PTPRN2: variants seen among roughly 807,000 people sequenced by gnomAD.
The protein encoded by PTPRN2 is receptor-type tyrosine-protein phosphatase N2.
Under a neutral mutation model 118.8 loss-of-function variants are expected in PTPRN2, and 74 were observed. The ratio of observed to expected loss-of-function variants is 0.62; its 90% CI spans 0.52 to 0.76. The LOEUF is 0.76. Ranked by LOEUF, PTPRN2 falls within the 30% of genes least tolerant of loss-of-function variation. The pLI, the probability that PTPRN2 is intolerant of heterozygous loss-of-function variation, is 0.00. For missense variants in PTPRN2, 1,481 were observed against 1,394.4 expected (o/e 1.06, Z -0.99); for synonymous variants, 641 against 608.0 (o/e 1.05, Z -0.80).
chr7:158,583,207 T>C (rs992698398), intron 1 of PTPRN2, among the ~76,000 whole-genome samples: 2 of 152,156 alleles, frequency 1.3e-5, no homozygotes, highest in Non-Finnish European at 1.5e-5. Flanking sequence ...GCAGAAATTA[T>C]TGTCACATAA....
chr7:157,957,913 G>A (rs549238924), intron 11 of PTPRN2, among the ~76,000 whole-genome samples: 8 of 152,272 alleles, frequency 5.3e-5, no homozygotes, highest in South Asian at 4.1e-4. Flanking sequence ...ACTCTGACAC[G>A]AAAGCCAGAC....
At chr7:158,060,340 A>G (rs1810222613) in intron 11 of PTPRN2, among the ~76,000 whole-genome samples, 1 of 152,044 alleles carries the variant, frequency 6.6e-6, no homozygotes, top group South Asian at 2.1e-4. Flanking sequence ...TGCAGGGTAG[A>G]AACTCCCCCA....
At chr7:158,333,343 T>A (rs1804879326) in intron 2 of PTPRN2, among the ~76,000 whole-genome samples, 1 of 142,230 alleles carries the variant, frequency 7.0e-6, no homozygotes, top group Non-Finnish European at 1.5e-5. Flanking sequence ...CCATAAGAGG[T>A]GACACCTGCA....
At chr7:157,853,212 G>A (rs1809421696) in intron 12 of PTPRN2, among the ~76,000 whole-genome samples, 1 of 152,176 alleles carries the variant, frequency 6.6e-6, no homozygotes, top group African/African-American at 2.4e-5. Flanking sequence ...GAGTCATGTA[G>A]TCATGAGGGG....
rs1181486033 is a variant in PTPRN2 at position 157,763,201 on chromosome 7, T to G, written c.1789-80264A>C. Among the ~76,000 whole-genome samples, 1 of 152,256 alleles carries G rather than the reference T, an allele frequency of 6.6e-6. No homozygotes were observed. The highest frequency in any genetic ancestry group is 6.5e-5 in the Admixed American group (1 of 15,292). ...GCACAGAGTCCATCCCAGGCCACAG[T>G]GGGAAGGAGAGGGAGATGCCCTGAG... On this transcript the variant is annotated intron_variant, in intron 12 of 22. Coordinates refer to ENST00000389418, the MANE Select transcript of PTPRN2 (RefSeq NM_002847.5). This position sits in a 1 kb window ranked among gnomAD's most constrained non-coding sequence, Gnocchi z 4.9.
At chr7:158,233,094 A>G (rs865883870) in intron 3 of PTPRN2, among the ~76,000 whole-genome samples, 25 of 152,344 alleles carry the variant, frequency 1.6e-4, no homozygotes, top group Middle Eastern at 3.4e-3. Flanking sequence ...GGCAAGAGAA[A>G]GAAATACAGG....
chr7:158,183,566 G>A (rs1184330782), intron 5 of PTPRN2, among the ~76,000 whole-genome samples: 2 of 152,230 alleles, frequency 1.3e-5, no homozygotes, highest in Admixed American at 6.5e-5. Context: ...AGGCAGAATG[G>A]CTTCCCCAAT....
At chr7:157,742,882 A>C (rs1039504753) in intron 12 of PTPRN2, among the ~76,000 whole-genome samples, 4 of 152,226 alleles carry the variant, frequency 2.6e-5, no homozygotes, top group African/African-American at 9.7e-5. Flanking sequence ...ATTGATATTA[A>C]ATACTCATAA....
At chr7:157,837,937 T>C (rs1808086725) in intron 12 of PTPRN2, among the ~76,000 whole-genome samples, 1 of 152,234 alleles carries the variant, frequency 6.6e-6, no homozygotes, top group Non-Finnish European at 1.5e-5. Flanking sequence ...CTCTCCACCG[T>C]GGCTACTCCA....
rs775815427 is a variant in PTPRN2 at position 157,550,803 on chromosome 7, C to T, written c.2903-1784G>A. ...CCAGGGAACTAGCTGGCAGCTCACG[C>T]GGGTGGAAGGCGGGGTCAGGTGCAC... On this transcript the variant is annotated intron_variant, in intron 21 of 22. Coordinates refer to ENST00000389418, the MANE Select transcript of PTPRN2 (RefSeq NM_002847.5). The surrounding 1 kb of genome is among the most constrained non-coding windows in gnomAD (Gnocchi z 5.2). 4.6e-5 allele frequency among the ~76,000 whole-genome samples: 7 copies of T among 152,180 alleles called. No individual in the cohort carries two copies. The highest frequency in any genetic ancestry group is 1.9e-4 in the East Asian group (1 of 5,194).
intron 1 of PTPRN2, among the ~76,000 whole-genome samples, chr7:158,527,238 C>G (rs1824852193): frequency 1.3e-5 from 2 of 151,920 alleles, no homozygotes; most frequent in Non-Finnish European, 2.9e-5. Flanking sequence ...CCCAGCTTCT[C>G]CACCAGCTCC....
chr7:158,207,078 G>T (rs1331848999), intron 3 of PTPRN2, among the ~76,000 whole-genome samples: 1 of 147,790 alleles, frequency 6.8e-6, no homozygotes, highest in Non-Finnish European at 1.5e-5. Flanking sequence ...TTGTTCTTGC[G>T]ATAGTTTACT....
intron 14 of PTPRN2, among the ~76,000 whole-genome samples, chr7:157,626,175 G>A (rs925297804): frequency 3.9e-5 from 6 of 152,136 alleles, no homozygotes; most frequent in East Asian, 1.9e-4. Context: ...CTCCTGGCCC[G>A]TCACTGCAGC....
intron 1 of PTPRN2, among the ~76,000 whole-genome samples, chr7:158,528,718 T>G (rs10248370): frequency 2.4e-4 from 36 of 149,536 alleles, no homozygotes; most frequent in Non-Finnish European, 4.7e-4. Context: ...GGCATGAACA[T>G]GGGAGGCGGA....
At position 158,229,094 on chromosome 7, in the gene PTPRN2, C is replaced by T. The variant is rs542625063; in HGVS notation, c.278-23821G>A. On this transcript the variant is annotated intron_variant, in intron 3 of 22. Coordinates refer to ENST00000389418, the MANE Select transcript of PTPRN2 (RefSeq NM_002847.5). ...CCTTTGAGACCTCTCCCATTCAGTA[C>T]AGGCAGCACTCAGATCTTTAACCTT... Among the ~76,000 whole-genome samples the T allele has an allele frequency of 3.2e-4, 49 of 152,132 alleles. 3 individuals carry two copies. Among genetic ancestry groups the T allele is most frequent in the Admixed American group, 6.6e-4 (10 of 15,266 alleles).
At chr7:158,337,579 C>G (rs113333312) in intron 2 of PTPRN2, among the ~76,000 whole-genome samples, 2 of 89,346 alleles carry the variant, frequency 2.2e-5, no homozygotes, top group Admixed American at 1.0e-4. Flanking sequence ...ATTGGTGACA[C>G]CTGCAGACGT....
chr7:157,979,276 T>C (rs978599208), intron 11 of PTPRN2, among the ~76,000 whole-genome samples: 4 of 148,812 alleles, frequency 2.7e-5, no homozygotes, highest in African/African-American at 9.7e-5. Context: ...TTGCTTAAGT[T>C]ATCAGGGAAT....
intron 1 of PTPRN2, among the ~76,000 whole-genome samples, chr7:158,577,694 A>T (rs1828414503): frequency 6.6e-6 from 1 of 152,286 alleles, no homozygotes; most frequent in Admixed American, 6.5e-5. Flanking sequence ...TAAAACAGAC[A>T]GATAAAGGAT....
At chr7:158,364,768 G>A (rs1041316978) in intron 2 of PTPRN2, among the ~76,000 whole-genome samples, 1 of 152,054 alleles carries the variant, frequency 6.6e-6, no homozygotes, top group Non-Finnish European at 1.5e-5. Context: ...CCCTCTCTCT[G>A]TCCACACACA....
Sources: gnomAD v4.1 joint callset for allele counts (sites outside exome capture counted in the v4.1 genomes callset) on GRCh38, gnomAD v4.1.1 for gene constraint, Gnocchi (gnomAD v3.1) non-coding constraint, MANE v1.5 for transcripts, NCBI Gene and HGNC (gene_info 2026-07-23, HGNC 2026-07-21) for gene names.